RARRES1: variants seen among roughly 807,000 people sequenced by gnomAD.
RARRES1 encodes retinoic acid receptor responder protein 1.
Under a neutral mutation model 30.6 loss-of-function variants are expected in RARRES1, and 34 were observed. The observed-to-expected ratio is 1.11, with a 90% CI of 0.84 to 1.48. The LOEUF (loss-of-function observed/expected upper bound fraction) is 1.48. Among genes scored for constraint, RARRES1 ranks in the 40% most tolerant of loss-of-function variants. The pLI is 0.00. For synonymous variants in RARRES1, 153 were observed against 155.5 expected (o/e 0.98, Z 0.12); for missense variants, 373 against 386.5 (o/e 0.97, Z 0.29).
chr3:158,698,620 G>A (rs16829314), intron 4 of RARRES1, among the ~76,000 whole-genome samples: 24,640 of 150,502 alleles, frequency 0.16, 2,057 homozygotes, highest in South Asian at 0.22. Context: ...TATTCACATC[G>A]TTTCTGTACA....
rs1283422192 is a variant in RARRES1, at chr3:158,696,994, G to A, written c.*684C>T. On this transcript the variant is annotated 3_prime_UTR_variant, in exon 6 of 6. Transcript: ENST00000237696. ...GACAGCTTTATCTGGTGAGACAGACGTTCTATTATTTGTAAAATTTAAGTT... is the reference window on the plus strand; with the variant it reads ...GACAGCTTTATCTGGTGAGACAGACATTCTATTATTTGTAAAATTTAAGTT... 2.0e-5 allele frequency: 3 copies of A among 152,202 alleles called. No homozygotes were observed. The highest frequency in any genetic ancestry group is 2.1e-4 in the South Asian group (1 of 4,816). The allele number at this position is 152,202 out of a possible 1,614,324, so 9.4% of individuals were successfully genotyped here.
chr3:158,715,764 C>T (rs924598219), intron 1 of RARRES1, among the ~76,000 whole-genome samples: 9 of 152,278 alleles, frequency 5.9e-5, no homozygotes, highest in East Asian at 1.9e-4. Flanking sequence ...TCCTGAAACA[C>T]CCAATGAGTA....
chr3:158,698,183 T>C (rs1726610832), intron 4 of RARRES1: 1 of 519,788 alleles, frequency 1.9e-6, no homozygotes, highest in Non-Finnish European at 3.5e-6. Flanking sequence ...TCTGGTTGAA[T>C]GTCTGTCACT....
chr3:158,721,930 A>G (rs1727523973), intron 1 of RARRES1, among the ~76,000 whole-genome samples: 2 of 152,084 alleles, frequency 1.3e-5, no homozygotes, highest in Admixed American at 1.3e-4. Flanking sequence ...CATCTCTACT[A>G]AAAATACGAA....
At chr3:158,727,761 G>C (rs539369837) in intron 1 of RARRES1, among the ~76,000 whole-genome samples, 1 of 152,340 alleles carries the variant, frequency 6.6e-6, no homozygotes, top group African/African-American at 2.4e-5. Context: ...TGGAAAGGTA[G>C]TGTAAGGCCA....
chr3:158,725,183 G>A (rs1042354695), intron 1 of RARRES1, among the ~76,000 whole-genome samples: 7 of 152,140 alleles, frequency 4.6e-5, no homozygotes, highest in African/African-American at 1.7e-4. Flanking sequence ...ACCATAGCAA[G>A]TCAGCCAGAG....
At chr3:158,707,161 A>T (rs1030558742) in intron 3 of RARRES1, among the ~76,000 whole-genome samples, 2 of 145,750 alleles carry the variant, frequency 1.4e-5, no homozygotes, top group African/African-American at 5.0e-5. Flanking sequence ...ACTCTGTCTC[A>T]AAAAAACAAA....
intron 1 of RARRES1, among the ~76,000 whole-genome samples, chr3:158,731,035 G>T (rs1239823992): frequency 6.6e-6 from 1 of 152,040 alleles, no homozygotes; most frequent in East Asian, 1.9e-4. Context: ...CACCTGTCTC[G>T]GCCTCCCAAA....
Position 158,696,898 on chromosome 3 carries a change from T to A in RARRES1, c.*780A>T, listed in dbSNP as rs945012796. On this transcript the variant is annotated 3_prime_UTR_variant, in exon 6 of 6. Transcript: ENST00000237696. ...GGCCAACACTCAGTCCAAGTTGTCCTTGTAAATGAAAATTGTAAATATTTA... is the reference window on the plus strand; with the variant it reads ...GGCCAACACTCAGTCCAAGTTGTCCATGTAAATGAAAATTGTAAATATTTA... 17 of 152,246 alleles carry A rather than the reference T, an allele frequency of 1.1e-4. No individual in the cohort carries two copies. Among genetic ancestry groups the A allele is most frequent in the African/African-American group, 4.1e-4 (17 of 41,468 alleles). The allele number at this position is 152,246 out of a possible 1,614,324, so 9.4% of individuals were successfully genotyped here.
At chr3:158,700,696 A>C (rs1233628700) in intron 4 of RARRES1, among the ~76,000 whole-genome samples, 1 of 152,206 alleles carries the variant, frequency 6.6e-6, no homozygotes, top group African/African-American at 2.4e-5. Flanking sequence ...CCAAGAAGTC[A>C]TTATTTTTAA....
At chr3:158,728,254 C>T (rs191845776) in intron 1 of RARRES1, among the ~76,000 whole-genome samples, 1 of 151,480 alleles carries the variant, frequency 6.6e-6, no homozygotes, top group Admixed American at 6.6e-5. Flanking sequence ...GGCTTTATAA[C>T]CCTAGTGAGC....
Position 158,696,921 on chromosome 3 carries a change from T to C in RARRES1, c.*757A>G, listed in dbSNP as rs143575354. 2 of 152,346 alleles carry C rather than the reference T, an allele frequency of 1.3e-5. No homozygotes were observed. The highest frequency in any genetic ancestry group is 3.9e-4 in the East Asian group (2 of 5,194). The allele number at this position is 152,346 out of a possible 1,614,324, so 9.4% of individuals were successfully genotyped here. A position where few individuals can be genotyped will look rare whatever the true frequency, so the allele number is the denominator to read the frequency against. ...CCTTGTAAATGAAAATTGTAAATAT[T>C]TAATATACTTTCAGTTACATCAGTG... On this transcript the variant is annotated 3_prime_UTR_variant, in exon 6 of 6. Coordinates refer to ENST00000237696, the MANE Select transcript of RARRES1 (RefSeq NM_206963.2).
intron 4 of RARRES1, among the ~76,000 whole-genome samples, chr3:158,700,492 G>T (rs914843228): frequency 6.6e-6 from 1 of 152,072 alleles, no homozygotes; most frequent in Non-Finnish European, 1.5e-5. Flanking sequence ...ATTTGATTGA[G>T]AACTTCCTCA....
chr3:158,699,068 C>T (rs930880516), intron 4 of RARRES1, among the ~76,000 whole-genome samples: 3 of 152,120 alleles, frequency 2.0e-5, no homozygotes, highest in Non-Finnish European at 4.4e-5. Flanking sequence ...GGAACTCTGT[C>T]CAAGTGTCTT....
Position 158,698,258 on chromosome 3 carries a change from A to G in RARRES1, c.673-288T>C, listed in dbSNP as rs1726614231. The G allele has an allele frequency of 8.1e-6, 3 of 370,604 alleles. No homozygotes were observed. The South Asian group carries it at 8.6e-5, about 11-fold the overall frequency. 23.0% of individuals were successfully genotyped at this position (370,604 alleles called of 1,614,324 possible). A position where few individuals can be genotyped will look rare whatever the true frequency, so the allele number is the denominator to read the frequency against. ...TCTTTTAACAACCTTAAGGATCTAG[A>G]TACTGTATATATACCTCAAGCTGAT... is the stretch of plus-strand genomic sequence containing the variant. On this transcript the variant is annotated intron_variant, in intron 4 of 5. Transcript: ENST00000237696.
At chr3:158,730,372 CTTCCTTCCT>C (rs1727838124) in intron 1 of RARRES1, among the ~76,000 whole-genome samples, 1 of 51,892 alleles carries the variant, frequency 1.9e-5, no homozygotes, top group African/African-American at 9.3e-5. Context: ...TTGCTCCTTC[CTTCCTTCCT>C]TCCTTCCTTC....
At chr3:158,727,058 C>T (rs907447753) in intron 1 of RARRES1, among the ~76,000 whole-genome samples, 3 of 152,188 alleles carry the variant, frequency 2.0e-5, no homozygotes, top group Non-Finnish European at 4.4e-5. Flanking sequence ...TGATTGTAAG[C>T]TCCTTGAGGC....
intron 4 of RARRES1, among the ~76,000 whole-genome samples, chr3:158,700,461 A>G (rs988860241): frequency 1.3e-5 from 2 of 152,168 alleles, no homozygotes; most frequent in African/African-American, 2.4e-5. Context: ...AGTCGTGATA[A>G]TGCTGGTAAA....
At chr3:158,711,664 C>T (rs1052505709) in intron 2 of RARRES1, among the ~76,000 whole-genome samples, 1 of 144,584 alleles carries the variant, frequency 6.9e-6, no homozygotes, top group Non-Finnish European at 1.5e-5. Context: ...GGCACGATCT[C>T]GGCTTACTGC....
Sources: gnomAD v4.1 joint callset for allele counts (sites outside exome capture counted in the v4.1 genomes callset) on GRCh38, gnomAD v4.1.1 for gene constraint, MANE v1.5 for transcripts, NCBI Gene and HGNC (gene_info 2026-07-23, HGNC 2026-07-21) for gene names.